Variants in CACNA2D2 observed in about 807,000 individuals in gnomAD.
The protein encoded by CACNA2D2 is voltage-dependent calcium channel subunit alpha-2/delta-2.
Under a neutral mutation model 166.4 loss-of-function variants are expected in CACNA2D2, and 48 were observed. That is an observed-to-expected ratio of 0.29 (90% CI 0.23 to 0.37). The LOEUF (loss-of-function observed/expected upper bound fraction) is 0.37, where lower values mean the gene tolerates loss of function less well. CACNA2D2 is among the 10% of genes least tolerant of loss of function. The probability of loss-of-function intolerance (pLI) is 1.00; values close to 1 mark genes in which losing one functional copy is unlikely to be tolerated. For synonymous variants in CACNA2D2, 561 were observed against 573.7 expected (o/e 0.98, Z 0.32); for missense variants, 1,122 against 1,433.0 (o/e 0.78, Z 3.50).
In CACNA2D2 at chr3:50,434,393, C is replaced by G. The variant is rs1003836068; in HGVS notation, c.325G>C (p.Glu109Gln). Residue 109 changes from glutamate to glutamine, a missense_variant, in exon 3 of 38, where the codon GAG (glutamate) becomes CAG (glutamine). Physicochemically the swap from Glu to Gln is conservative, Grantham distance 29. Around this residue, in one of 2 missense-constraint regions of CACNA2D2, gnomAD observed 840 missense variants for 1,166.8 expected, o/e 0.72. Transcript: ENST00000424201. ...KDNRNLFEVQ[E>Q]NEPQKLVEKV... ...TCCACCAACTTCTGAGGCTCATTCT[C>G]CTGTACCTCGAACAGGTTCCGGTTG... 1 of 1,614,028 alleles carries G rather than the reference C, an allele frequency of 6.2e-7. No individual in the cohort carries two copies. The highest frequency in any genetic ancestry group is 1.3e-5 in the African/African-American group (1 of 74,926).
intron 2 of CACNA2D2, among the ~76,000 whole-genome samples, chr3:50,475,717 C>T (rs756733886): frequency 2.0e-5 from 3 of 151,728 alleles, no homozygotes; most frequent in Non-Finnish European, 4.4e-5. Flanking sequence ...GCACCGCTTT[C>T]GGGCTGGTAT....
At chr3:50,413,075 G>A (rs1259535611) in intron 3 of CACNA2D2, among the ~76,000 whole-genome samples, 1 of 152,236 alleles carries the variant, frequency 6.6e-6, no homozygotes, top group Admixed American at 6.5e-5. Context: ...TAGAGCTAGG[G>A]CCCCAGGGGA....
intron 2 of CACNA2D2, among the ~76,000 whole-genome samples, chr3:50,435,303 G>A (rs921109509): frequency 4.6e-5 from 7 of 151,928 alleles, no homozygotes; most frequent in African/African-American, 1.5e-4. Flanking sequence ...GTGTGTGCGT[G>A]TGCGTGTGCG....
At chr3:50,502,042 T>G (rs941086109) in intron 1 of CACNA2D2, among the ~76,000 whole-genome samples, 1 of 152,214 alleles carries the variant, frequency 6.6e-6, no homozygotes, top group Non-Finnish European at 1.5e-5. Flanking sequence ...TTCCTGAGTT[T>G]GTTTTTCCCT....
At chr3:50,473,507 C>T (rs2107077178) in intron 2 of CACNA2D2, among the ~76,000 whole-genome samples, 1 of 152,342 alleles carries the variant, frequency 6.6e-6, no homozygotes, top group East Asian at 1.9e-4. Context: ...TGAGGAGGGG[C>T]AGCCCCACTG....
chr3:50,395,538 C>A (rs1024222447), intron 3 of CACNA2D2, among the ~76,000 whole-genome samples: 3 of 152,202 alleles, frequency 2.0e-5, no homozygotes, highest in African/African-American at 7.2e-5. Flanking sequence ...CAGAAGGTCC[C>A]GCCTCTTGGT....
chr3:50,381,981 T>TACACACACACAC (rs34662551), intron 6 of CACNA2D2, among the ~76,000 whole-genome samples: 157 of 133,462 alleles, frequency 1.2e-3, no homozygotes, highest in African/African-American at 3.9e-3. Flanking sequence ...GATCTATCCC[T>TACACACACACAC]ACACACACAC....
rs1021464609 is a variant in CACNA2D2 at position 50,503,490 on chromosome 3, T to A, written c.-67A>T. ...GGCGGCGGCGGCGGCGGCGGCGGGG[T>A]TGGGGGGGCGCGGGCGGCGGGCGGT... is the stretch of plus-strand genomic sequence containing the variant. On this transcript the variant is annotated 5_prime_UTR_variant, in exon 1 of 38. Transcript: ENST00000424201. The A allele has an allele frequency of 6.8e-6, 1 of 147,170 alleles. No homozygotes were observed. Among genetic ancestry groups the A allele is most frequent in the African/African-American group, 2.6e-5 (1 of 38,008 alleles). The allele number at this position is 147,170 out of a possible 1,614,324, so 9.1% of individuals were successfully genotyped here. A position where few individuals can be genotyped will look rare whatever the true frequency, so the allele number is the denominator to read the frequency against.
At chr3:50,398,666 G>A (rs1447669886) in intron 3 of CACNA2D2, among the ~76,000 whole-genome samples, 1 of 152,144 alleles carries the variant, frequency 6.6e-6, no homozygotes, top group African/African-American at 2.4e-5. Flanking sequence ...TGGCGATGCG[G>A]CTATGAAGTC....
At chr3:50,404,731 G>A (rs1190701330) in intron 3 of CACNA2D2, among the ~76,000 whole-genome samples, 1 of 152,216 alleles carries the variant, frequency 6.6e-6, no homozygotes, top group African/African-American at 2.4e-5. Context: ...GGAGGTCAGT[G>A]AGCATTACAG....
chr3:50,399,693 C>T (rs992079458), intron 3 of CACNA2D2, among the ~76,000 whole-genome samples: 1 of 152,136 alleles, frequency 6.6e-6, no homozygotes, highest in African/African-American at 2.4e-5. Flanking sequence ...GTAGCTGCCC[C>T]AGACCCCTAG....
At chr3:50,440,487 C>T (rs976403578) in intron 2 of CACNA2D2, among the ~76,000 whole-genome samples, 1 of 152,276 alleles carries the variant, frequency 6.6e-6, no homozygotes, top group African/African-American at 2.4e-5. Context: ...AGGTTTTGTA[C>T]ACTGTGATGT....
intron 3 of CACNA2D2, among the ~76,000 whole-genome samples, chr3:50,411,429 G>A (rs568895021): frequency 3.3e-5 from 5 of 152,218 alleles, no homozygotes; most frequent in African/African-American, 4.8e-5. Flanking sequence ...AGGGGCTTCC[G>A]CTTGTCTCCA....
chr3:50,404,435 G>C (rs1706594915), intron 3 of CACNA2D2, among the ~76,000 whole-genome samples: 1 of 152,186 alleles, frequency 6.6e-6, no homozygotes, highest in African/African-American at 2.4e-5. Context: ...GCTGGAATGA[G>C]AGGCAGAGGG....
intron 1 of CACNA2D2, among the ~76,000 whole-genome samples, chr3:50,486,880 C>T (rs1228033489): frequency 1.3e-5 from 2 of 152,250 alleles, no homozygotes; most frequent in Non-Finnish European, 2.9e-5. Flanking sequence ...CCCTGACCAC[C>T]TCACTCTGCA....
intron 2 of CACNA2D2, among the ~76,000 whole-genome samples, chr3:50,465,635 G>T (rs1709797042): frequency 6.6e-6 from 1 of 152,218 alleles, no homozygotes; most frequent in Admixed American, 6.5e-5. Context: ...AGGCGCACAG[G>T]GCTATGGGAG....
chr3:50,504,135 C>G (rs1179802431), upstream of CACNA2D2: 1 of 152,262 alleles, frequency 6.6e-6, no homozygotes, highest in Non-Finnish European at 1.5e-5. Context: ...CGGCTGCTGG[C>G]AGAAAGGGCC....
chr3:50,365,811 A>G lies in CACNA2D2; in HGVS notation c.2914T>C (p.Trp972Arg). ...NLAWWTSAAA[W>R]SLFQQLLYGL... ...ACCCACCTCCCGCTCAGGACTCACC[A>G]GGCGGCAGCAGAGGTCCACCAGGCC... is the stretch of plus-strand genomic sequence containing the variant. Residue 972 changes from tryptophan (W) to arginine (R), a missense_variant and splice_region_variant, in exon 33 of 38, where the codon TGG (tryptophan) becomes CGG (arginine). By Grantham distance (101) the Trp-to-Arg change is moderately radical. Transcript: ENST00000424201. This position sits in a 1 kb window ranked among gnomAD's most constrained non-coding sequence, Gnocchi z 4.5. The G allele has an allele frequency of 6.2e-7, 1 of 1,613,496 alleles. No homozygotes were observed. The highest frequency in any genetic ancestry group is 8.5e-7 in the Non-Finnish European group (1 of 1,180,014).
chr3:50,373,661 T>TGAGA (rs1201667023), intron 22 of CACNA2D2, among the ~76,000 whole-genome samples: 1 of 37,216 alleles, frequency 2.7e-5, no homozygotes, highest in Non-Finnish European at 5.5e-5. Context: ...GGAGGGAGAG[T>TGAGA]GAGAGAGAGA....
Sources: gnomAD v4.1 joint callset for allele counts (sites outside exome capture counted in the v4.1 genomes callset) on GRCh38, gnomAD v4.1.1 for gene constraint, gnomAD v4.1.1 regional missense constraint, Gnocchi (gnomAD v3.1) non-coding constraint, MANE v1.5 for transcripts, NCBI Gene and HGNC (gene_info 2026-07-23, HGNC 2026-07-21) for gene names.